Variants in TBCK observed in about 807,000 individuals in gnomAD.
TBCK encodes TBC1 domain containing kinase, also known as TBC domain-containing protein kinase-like protein.
Under a neutral mutation model 113.4 loss-of-function variants are expected in TBCK, and 99 were observed. That is an observed-to-expected ratio of 0.87 (90% CI 0.74 to 1.03). The LOEUF (loss-of-function observed/expected upper bound fraction) is 1.03, where lower values mean the gene tolerates loss of function less well. Among genes scored for constraint, TBCK ranks in the 50% least tolerant of loss-of-function variants. TBCK has a pLI of 0.00. For missense variants in TBCK, 1,045 were observed against 1,061.3 expected, an observed-to-expected ratio of 0.98 and a Z score of 0.21; for synonymous variants, 369 against 370.8, an observed-to-expected ratio of 1.00 and a Z score of 0.05.
rs1740810145 is a variant in TBCK, at chr4:106,095,613, T to C, written c.2440A>G (p.Ile814Val). The C allele has an allele frequency of 1.9e-6, 3 of 1,613,724 alleles. No individual in the cohort carries two copies. The highest frequency in any genetic ancestry group is 4.5e-5 in the East Asian group (2 of 44,878). Reference protein sequence around the residue: ...DFIRGHISGSINIPFSAAFTA... With the variant: ...DFIRGHISGSVNIPFSAAFTA... Reference sequence around the variant, plus strand: ...AAGGCAGCACTGAATGGAATGTTGATGCTTCCTGAAATGTGACCACGAATA... The same window carrying C: ...AAGGCAGCACTGAATGGAATGTTGACGCTTCCTGAAATGTGACCACGAATA... The change falls in exon 25 of 26, where the codon ATC (isoleucine) becomes GTC (valine). Residue 814 changes from isoleucine (I) to valine (V), a missense_variant. Ile to Val is a conservative substitution (Grantham distance 29). Coordinates refer to ENST00000394708, the MANE Select transcript of TBCK (RefSeq NM_001163435.3).
rs770224370 is a variant in TBCK, at chr4:106,250,461, C to T, written c.615G>A (p.Gln205=). The change falls in exon 7 of 26, where the codon CAG becomes CAA. Residue 205 remains glutamine, a synonymous_variant. Coordinates refer to ENST00000394708, the MANE Select transcript of TBCK (RefSeq NM_001163435.3). ...TTAGTCTTTCAGAAATATCCAAGCTCTGAAATAATTTTCTTCCCTAAATAA... is the reference window on the plus strand; with the variant it reads ...TTAGTCTTTCAGAAATATCCAAGCTTTGAAATAATTTTCTTCCCTAAATAA... ...FELCVGRKLF[Q]SLDISERLKF... is the part of the protein sequence containing the mutation. The T allele has an allele frequency of 1.3e-6, 2 of 1,560,920 alleles. No homozygotes were observed. The highest frequency in any genetic ancestry group is 1.7e-6 in the Non-Finnish European group (2 of 1,144,248).
intron 3 of TBCK, among the ~76,000 whole-genome samples, chr4:106,287,876 T>G (rs1765275450): frequency 6.6e-6 from 1 of 152,144 alleles, no homozygotes; most frequent in African/African-American, 2.4e-5. Flanking sequence ...GTTATGCTAT[T>G]CCTATGTTCT....
intron 23 of TBCK, among the ~76,000 whole-genome samples, chr4:106,158,096 T>C (rs538031062): frequency 6.6e-6 from 1 of 152,298 alleles, no homozygotes; most frequent in South Asian, 2.1e-4. Flanking sequence ...AAGGGAAATA[T>C]TACATTGGGA....
chr4:106,068,542 C>A (rs1398381803), intron 25 of TBCK, among the ~76,000 whole-genome samples: 1 of 152,202 alleles, frequency 6.6e-6, no homozygotes, highest in Non-Finnish European at 1.5e-5. Flanking sequence ...TTAATCCAGT[C>A]TATCATTGAT....
At chr4:106,202,243 T>A (rs1754973648) in intron 20 of TBCK, among the ~76,000 whole-genome samples, 1 of 151,952 alleles carries the variant, frequency 6.6e-6, no homozygotes, top group Admixed American at 6.6e-5. Context: ...TCCTAGGCAC[T>A]GTATAAAATA....
intron 3 of TBCK, among the ~76,000 whole-genome samples, chr4:106,273,913 T>A (rs1763756432): frequency 1.3e-5 from 2 of 152,232 alleles, no homozygotes; most frequent in African/African-American, 2.4e-5. Context: ...AATAAAATGT[T>A]CCAACTTTCC....
chr4:106,305,122 G>A (rs1767372618), intron 2 of TBCK, among the ~76,000 whole-genome samples: 1 of 152,056 alleles, frequency 6.6e-6, no homozygotes, highest in South Asian at 2.1e-4. Flanking sequence ...CTACCATTAA[G>A]CATCAGAGAG....
At chr4:106,315,605 G>C (rs1231442934) in intron 1 of TBCK, 2 of 152,218 alleles carry the variant, frequency 1.3e-5, no homozygotes, top group Non-Finnish European at 2.9e-5. Flanking sequence ...TCGAGGGCCA[G>C]AAACAAACCA....
At chr4:106,073,122 G>A (rs763346209) in intron 25 of TBCK, among the ~76,000 whole-genome samples, 25 of 152,112 alleles carry the variant, frequency 1.6e-4, no homozygotes, top group Middle Eastern at 3.4e-3. Context: ...GTCATTCTCC[G>A]TCCACCTTTG....
Position 106,294,910 on chromosome 4 carries a change from C to T in TBCK, c.266+184G>A, listed in dbSNP as rs575768131. ...ATGCCTACCTCACAAAAGATGAACA[C>T]TGGACTATGTTAATGTTGAATTCAT... is the stretch of plus-strand genomic sequence containing the variant. On this transcript the variant is annotated intron_variant, in intron 3 of 25. Transcript: ENST00000394708. Among the ~76,000 whole-genome samples the T allele has an allele frequency of 4.0e-5, 6 of 148,464 alleles. No homozygotes were observed. In the East Asian group the frequency reaches 1.2e-3, roughly 30 times the overall value.
At chr4:106,075,150 A>T (rs1738022118) in intron 25 of TBCK, among the ~76,000 whole-genome samples, 1 of 152,240 alleles carries the variant, frequency 6.6e-6, no homozygotes, top group Non-Finnish European at 1.5e-5. Context: ...AGTGGGAAGG[A>T]AAAACAATAG....
intron 2 of TBCK, among the ~76,000 whole-genome samples, chr4:106,305,135 G>C (rs73839418): frequency 0.018 from 2,757 of 152,098 alleles, 78 homozygotes; most frequent in African/African-American, 0.061. Context: ...TCAGAGAGTA[G>C]AGAAAGTTTT....
At chr4:106,271,675 C>T (rs1318129303) in intron 3 of TBCK, among the ~76,000 whole-genome samples, 1 of 151,618 alleles carries the variant, frequency 6.6e-6, no homozygotes, top group African/African-American at 2.4e-5. Context: ...TTGCTTGAAC[C>T]CAGGAGGCAG....
chr4:106,070,609 G>T (rs997493778), intron 25 of TBCK, among the ~76,000 whole-genome samples: 2 of 151,850 alleles, frequency 1.3e-5, no homozygotes, highest in Admixed American at 1.3e-4. Context: ...TCTCTTTTTT[G>T]TGTGTGTGTC....
intron 3 of TBCK, among the ~76,000 whole-genome samples, chr4:106,288,719 TTTTC>T (rs1439925291): frequency 6.6e-6 from 1 of 152,210 alleles, no homozygotes; most frequent in African/African-American, 2.4e-5. Context: ...AGCTCTTTCT[TTTTC>T]ATTGTTGATT....
chr4:106,203,150 C>T (rs930924477), intron 20 of TBCK, among the ~76,000 whole-genome samples: 1 of 151,818 alleles, frequency 6.6e-6, no homozygotes, highest in South Asian at 2.1e-4. Flanking sequence ...GCAAGAAGAA[C>T]CAGAAATCAG....
intron 3 of TBCK, among the ~76,000 whole-genome samples, chr4:106,288,899 C>T (rs1264148770): frequency 6.6e-6 from 1 of 152,198 alleles, no homozygotes; most frequent in African/African-American, 2.4e-5. Context: ...CATAAAATTA[C>T]ACCCAGGCTA....
chr4:106,296,057 A>C (rs1042310418), intron 2 of TBCK, among the ~76,000 whole-genome samples: 2 of 152,208 alleles, frequency 1.3e-5, no homozygotes, highest in African/African-American at 2.4e-5. Flanking sequence ...AGACATGATC[A>C]ACATTAATGA....
At chr4:106,126,515 T>G (rs1050562793) in intron 23 of TBCK, among the ~76,000 whole-genome samples, 3 of 152,218 alleles carry the variant, frequency 2.0e-5, no homozygotes, top group African/African-American at 7.2e-5. Flanking sequence ...GTAATTACTA[T>G]TTGTGAGATA....
Sources: allele counts gnomAD v4.1 joint callset (sites outside exome capture counted in the v4.1 genomes callset), GRCh38; gene constraint gnomAD v4.1.1; transcripts MANE v1.5; gene names NCBI Gene and HGNC (gene_info 2026-07-23, HGNC 2026-07-21).